IKZF1: variants seen among roughly 807,000 people sequenced by gnomAD.
The protein encoded by IKZF1 is IKAROS family zinc finger 1, also known as DNA-binding protein Ikaros.
Under a neutral mutation model 51.7 loss-of-function variants are expected in IKZF1, and 10 were observed. That is an observed-to-expected ratio of 0.19 (90% CI 0.12 to 0.33). The LOEUF is 0.33. IKZF1 is among the 10% of genes least tolerant of loss of function. The pLI is 1.00. For missense variants in IKZF1, 484 were observed against 707.5 expected (o/e 0.68, Z 3.58); for synonymous variants, 280 against 282.3 (o/e 0.99, Z 0.08).
intron 3 of IKZF1, chr7:50,328,199 T>A (rs1297594013): frequency 6.5e-6 from 1 of 153,354 alleles, no homozygotes; most frequent in Non-Finnish European, 1.5e-5. Flanking sequence ...AAATTTCAGA[T>A]TTAACTGAAA....
At chr7:50,396,086 G>T (rs551046390) in intron 7 of IKZF1, among the ~76,000 whole-genome samples, 1 of 152,010 alleles carries the variant, frequency 6.6e-6, no homozygotes, top group South Asian at 2.1e-4. Flanking sequence ...CTGCCATTTT[G>T]TCTAGAGAGT....
chr7:50,359,401 T>G (rs1168129277), intron 3 of IKZF1, among the ~76,000 whole-genome samples: 1 of 152,258 alleles, frequency 6.6e-6, no homozygotes, highest in African/African-American at 2.4e-5. Context: ...AGACCAGATC[T>G]GACTCCTGCA....
chr7:50,341,765 C>CTCAA (rs1309260865), intron 3 of IKZF1, among the ~76,000 whole-genome samples: 1 of 151,962 alleles, frequency 6.6e-6, no homozygotes, highest in Admixed American at 6.5e-5. Context: ...TAAGTATGTA[C>CTCAA]TCAATATAAG....
At chr7:50,362,316 C>T (rs745594266) in intron 3 of IKZF1, among the ~76,000 whole-genome samples, 4 of 152,242 alleles carry the variant, frequency 2.6e-5, no homozygotes, top group Non-Finnish European at 5.9e-5. Context: ...CACTCAACCC[C>T]ATTGCCAGAT....
intron 3 of IKZF1, among the ~76,000 whole-genome samples, chr7:50,360,291 C>T (rs1317187253): frequency 6.6e-6 from 1 of 152,026 alleles, no homozygotes; most frequent in East Asian, 1.9e-4. Flanking sequence ...GAGGGAATGG[C>T]CGTGTCTGTC....
rs1269921669 is a variant in IKZF1 at position 50,400,411 on chromosome 7, G to C, written c.1344G>C (p.Ala448=). Residue 448 remains alanine (A), a synonymous_variant, in exon 8 of 8, where the codon GCG becomes GCC. Coordinates refer to ENST00000331340, the MANE Select transcript of IKZF1 (RefSeq NM_006060.6). The surrounding 1 kb of genome is among the most constrained non-coding windows in gnomAD (Gnocchi z 5.4). ...LRAASENSQD[A]LRVVSTSGEQ... The stretch of plus-strand genomic sequence containing the variant: ...CCGCCTCCGAGAACTCGCAGGACGC[G>C]CTCCGCGTGGTCAGCACCAGCGGGG... 7 of 1,613,682 alleles carry C rather than the reference G, an allele frequency of 4.3e-6. No homozygotes were observed. In the East Asian group the frequency reaches 1.1e-4, roughly 26 times the overall value.
chr7:50,327,779 T>C (rs745733234), intron 3 of IKZF1, 22 bp downstream of exon 3: 45 of 1,588,408 alleles, frequency 2.8e-5, no homozygotes, highest in African/African-American at 5.4e-5. Context: ...ACCAGCGGCC[T>C]CTGTGCCTGT....
intron 3 of IKZF1, among the ~76,000 whole-genome samples, chr7:50,361,163 C>A (rs1268077243): frequency 6.6e-6 from 1 of 152,164 alleles, no homozygotes; most frequent in Non-Finnish European, 1.5e-5. Context: ...TTCTTGATTG[C>A]CTGAATGTCC....
intron 3 of IKZF1, among the ~76,000 whole-genome samples, chr7:50,363,318 G>C (rs1322358066): frequency 6.6e-6 from 1 of 152,104 alleles, no homozygotes; most frequent in African/African-American, 2.4e-5. Flanking sequence ...TACTATGCTG[G>C]GGCCATCCAG....
intron 1 of IKZF1, among the ~76,000 whole-genome samples, chr7:50,312,924 CAATACTCTGTGG>C (rs752547777): frequency 6.6e-4 from 101 of 152,216 alleles, no homozygotes; most frequent in Non-Finnish European, 8.1e-4. Context: ...TTTGCACCAG[CAATACTCTGTGG>C]AATAATCATG....
intron 3 of IKZF1, among the ~76,000 whole-genome samples, chr7:50,357,149 CCTT>C (rs1484787364): frequency 6.6e-6 from 1 of 152,002 alleles, no homozygotes; most frequent in East Asian, 1.9e-4. Context: ...ATAACCGACT[CCTT>C]CTTCTAGGCA....
intron 3 of IKZF1, among the ~76,000 whole-genome samples, chr7:50,360,882 C>T (rs920226475): frequency 1.3e-5 from 2 of 152,250 alleles, no homozygotes; most frequent in African/African-American, 4.8e-5. Context: ...AGGTGGCTCT[C>T]CATGCACACA....
intron 1 of IKZF1, among the ~76,000 whole-genome samples, chr7:50,314,401 C>T (rs183734239): frequency 5.9e-5 from 9 of 152,342 alleles, no homozygotes; most frequent in Non-Finnish European, 1.0e-4. Flanking sequence ...TGAGCCACCA[C>T]GCCCGGCAAC....
chr7:50,338,699 C>T (rs1031921390), intron 3 of IKZF1, among the ~76,000 whole-genome samples: 32 of 152,292 alleles, frequency 2.1e-4, no homozygotes, highest in Middle Eastern at 3.4e-3. Flanking sequence ...CCACAGAACC[C>T]GTTAGACTAA....
intron 2 of IKZF1, among the ~76,000 whole-genome samples, chr7:50,326,476 T>G (rs1396409174): frequency 3.9e-5 from 6 of 152,184 alleles, no homozygotes; most frequent in Admixed American, 3.9e-4. Context: ...CAACTCAAGT[T>G]TAAGTTAGAT....
intron 3 of IKZF1, among the ~76,000 whole-genome samples, chr7:50,366,111 G>T (rs1806854444): frequency 6.6e-6 from 1 of 152,120 alleles, no homozygotes; most frequent in Non-Finnish European, 1.5e-5. Flanking sequence ...CTATCAGAGG[G>T]TGGAGGGTGG....
intron 1 of IKZF1, among the ~76,000 whole-genome samples, chr7:50,317,845 C>G (rs536435735): frequency 1.1e-4 from 17 of 152,290 alleles, no homozygotes; most frequent in Admixed American, 1.3e-4. Context: ...AGGGTAAGAT[C>G]CCTGAATCAT....
intron 1 of IKZF1, among the ~76,000 whole-genome samples, chr7:50,305,924 A>G (rs1788670277): frequency 6.6e-6 from 1 of 152,236 alleles, no homozygotes; most frequent in Non-Finnish European, 1.5e-5. Context: ...GGGGGGACCC[A>G]CATAGAAATG....
At chr7:50,337,118 G>A (rs1047438929) in intron 3 of IKZF1, among the ~76,000 whole-genome samples, 7 of 152,234 alleles carry the variant, frequency 4.6e-5, no homozygotes, top group Non-Finnish European at 7.4e-5. Context: ...GAGAGGGACC[G>A]GGAGCGGCAC....
Sources: gnomAD v4.1 joint callset for allele counts (sites outside exome capture counted in the v4.1 genomes callset) on GRCh38, gnomAD v4.1.1 for gene constraint, Gnocchi (gnomAD v3.1) non-coding constraint, MANE v1.5 for transcripts, NCBI Gene and HGNC (gene_info 2026-07-23, HGNC 2026-07-21) for gene names.